DDR2: variants seen among roughly 807,000 people sequenced by gnomAD.
DDR2 encodes the protein discoidin domain receptor tyrosine kinase 2.
In DDR2, 27 loss-of-function variants were observed where a neutral mutation model predicts 94.9. The ratio of observed to expected loss-of-function variants is 0.28; its 90% CI spans 0.21 to 0.39. The LOEUF is 0.39. Ranked by LOEUF, DDR2 falls within the 10% of genes least tolerant of loss-of-function variation. DDR2 has a pLI of 1.00. For synonymous variants in DDR2, 382 were observed against 377.2 expected (o/e 1.01, Z -0.15); for missense variants, 783 against 1,076.0 (o/e 0.73, Z 3.81).
At chr1:162,731,925 A>T (rs1171600181) in intron 3 of DDR2, among the ~76,000 whole-genome samples, 1 of 152,178 alleles carries the variant, frequency 6.6e-6, no homozygotes, top group Admixed American at 6.5e-5. Context: ...TTCACTCCTG[A>T]TCTGCATAGC....
At chr1:162,705,510 G>T (rs1660620792) in intron 2 of DDR2, among the ~76,000 whole-genome samples, 1 of 152,224 alleles carries the variant, frequency 6.6e-6, no homozygotes, top group Non-Finnish European at 1.5e-5. Flanking sequence ...AGGGGGAGCA[G>T]CATTCCTTCT....
At position 162,780,394 on chromosome 1, in the gene DDR2, C is replaced by A; in HGVS notation, c.*148C>A. 2 of 1,180,646 alleles carry A rather than the reference C, an allele frequency of 1.7e-6. No individual in the cohort carries two copies. The highest frequency in any genetic ancestry group is 2.0e-5 in the Admixed American group (1 of 49,678). The allele number at this position is 1,180,646 out of a possible 1,614,324, so 73.1% of individuals were successfully genotyped here. A position where few individuals can be genotyped will look rare whatever the true frequency, so the allele number is the denominator to read the frequency against. ...TTTGCCCTCTTTTCCTGGTCACCCC[C>A]ACTCCCTACCCCTGACTCATATACA... On this transcript the variant is annotated 3_prime_UTR_variant, in exon 18 of 18. Coordinates refer to ENST00000367921, the MANE Select transcript of DDR2 (RefSeq NM_006182.4).
chr1:162,782,590 C>G lies in DDR2; in HGVS notation c.*2344C>G, dbSNP rs771117225. On this transcript the variant is annotated 3_prime_UTR_variant, in exon 18 of 18. Transcript: ENST00000367921. ...CCTGCAGCCTATTCTTCTTTATCCA[C>G]ATGTCTCTGGTAGGGCTACATCCAG... is the stretch of plus-strand genomic sequence containing the variant. 6.8e-6 allele frequency: 1 copy of G among 147,232 alleles called. No homozygotes were observed. 9.1% of individuals were successfully genotyped at this position (147,232 alleles called of 1,614,324 possible). A position where few individuals can be genotyped will look rare whatever the true frequency, so the allele number is the denominator to read the frequency against.
chr1:162,679,502 A>G (rs1471668507), intron 2 of DDR2, among the ~76,000 whole-genome samples: 1 of 152,198 alleles, frequency 6.6e-6, no homozygotes, highest in African/African-American at 2.4e-5. Context: ...TTATGGCTGC[A>G]TAGTATTCCA....
rs1021182181 is a variant in DDR2 at position 162,785,250 on chromosome 1, G to A, written c.*5004G>A. On this transcript the variant is annotated 3_prime_UTR_variant, in exon 18 of 18. Transcript: ENST00000367921. ...TTCTACGTGAGTAGGATTAGCACTG[G>A]GGACAAAATAAGGAGTTTAGAGTAA... is the stretch of plus-strand genomic sequence containing the variant. 7 of 152,044 alleles carry A rather than the reference G, an allele frequency of 4.6e-5. No homozygotes were observed. The highest frequency in any genetic ancestry group is 2.6e-4 in the Admixed American group (4 of 15,254). The allele number at this position is 152,044 out of a possible 1,614,324, so 9.4% of individuals were successfully genotyped here. A position where few individuals can be genotyped will look rare whatever the true frequency, so the allele number is the denominator to read the frequency against.
intron 3 of DDR2, among the ~76,000 whole-genome samples, chr1:162,743,623 G>A (rs548745256): frequency 9.2e-5 from 14 of 152,076 alleles, no homozygotes; most frequent in Admixed American, 4.6e-4. Flanking sequence ...TAAAGGCCTG[G>A]CCACAGGCTT....
chr1:162,699,441 C>T (rs1377943212), intron 2 of DDR2, among the ~76,000 whole-genome samples: 2 of 152,126 alleles, frequency 1.3e-5, no homozygotes, highest in African/African-American at 4.8e-5. Flanking sequence ...TACTGTGAAC[C>T]CAAATTTCTG....
chr1:162,634,947 C>T (rs1656741762), intron 1 of DDR2, among the ~76,000 whole-genome samples: 1 of 152,162 alleles, frequency 6.6e-6, no homozygotes, highest in African/African-American at 2.4e-5. Flanking sequence ...TGCCTGCAGT[C>T]AGAAGGGAGG....
At chr1:162,726,080 G>A (rs1389253413) in intron 3 of DDR2, among the ~76,000 whole-genome samples, 1 of 152,174 alleles carries the variant, frequency 6.6e-6, no homozygotes, top group East Asian at 1.9e-4. Context: ...ACCTATCACT[G>A]ATCGCTGCCT....
intron 2 of DDR2, among the ~76,000 whole-genome samples, chr1:162,665,563 ATT>A (rs5778284): frequency 0.059 from 8,397 of 141,168 alleles, 337 homozygotes; most frequent in African/African-American, 0.13. Flanking sequence ...TGCATGTATG[ATT>A]TTTTTTTTTT....
chr1:162,759,682 A>C (rs1024845040), intron 7 of DDR2, 114 bp from the exon 8 acceptor site: 9 of 1,207,416 alleles, frequency 7.5e-6, no homozygotes, highest in Non-Finnish European at 8.4e-6. Context: ...CAATTCCAAG[A>C]TAATAAGCTC....
rs535973044 is a variant in DDR2 at position 162,652,407 on chromosome 1, C to T, written c.-191-2804C>T. Among the ~76,000 whole-genome samples the T allele has an allele frequency of 3.9e-5, 6 of 152,270 alleles. No individual in the cohort carries two copies. The South Asian group carries it at 8.3e-4, about 21-fold the overall frequency. ...AATGTAGGAAAGCAGACTCGTGCTT[C>T]TCATCTTGAATCAGACAGACGACAG... On this transcript the variant is annotated intron_variant, in intron 1 of 17. Coordinates refer to ENST00000367921, the MANE Select transcript of DDR2 (RefSeq NM_006182.4).
rs1656612173 is a variant in DDR2 at position 162,632,643 on chromosome 1, G to A, written c.-192+12G>A. On this transcript the variant is annotated intron_variant, in intron 1 of 17. Coordinates refer to ENST00000367921, the MANE Select transcript of DDR2 (RefSeq NM_006182.4). Reference sequence around the variant, plus strand: ...ACCCCTGGATGAAAGTAAGTTATGTGGGTCTTTTTTCTTTATTATTTTTTC... The same window carrying A: ...ACCCCTGGATGAAAGTAAGTTATGTAGGTCTTTTTTCTTTATTATTTTTTC... The A allele has an allele frequency of 6.6e-6, 1 of 152,142 alleles. No homozygotes were observed. The highest frequency in any genetic ancestry group is 2.1e-4 in the South Asian group (1 of 4,826). The allele number at this position is 152,142 out of a possible 1,614,324, so 9.4% of individuals were successfully genotyped here.
At chr1:162,736,685 CT>C (rs1378068635) in intron 3 of DDR2, among the ~76,000 whole-genome samples, 17 of 152,306 alleles carry the variant, frequency 1.1e-4, no homozygotes, top group Non-Finnish European at 1.3e-4. Flanking sequence ...GAAAGAAAAA[CT>C]ACTGCCAGTT....
chr1:162,778,849 T>C, intron 17 of DDR2, 120 bp downstream of exon 17: 1 of 1,315,786 alleles, frequency 7.6e-7, no homozygotes, highest in Non-Finnish European at 1.1e-6. Context: ...GTGTTAGTCT[T>C]TGTCACTAAC....
intron 9 of DDR2, among the ~76,000 whole-genome samples, chr1:162,763,952 T>C (rs1663874040): frequency 6.6e-6 from 1 of 152,236 alleles, no homozygotes. Flanking sequence ...CCAATATTAT[T>C]ACTAGCAACG....
intron 2 of DDR2, among the ~76,000 whole-genome samples, chr1:162,711,455 G>T (rs1048656751): frequency 6.6e-6 from 1 of 152,166 alleles, no homozygotes; most frequent in Non-Finnish European, 1.5e-5. Context: ...GTAACTTTAG[G>T]CATTTCTTAA....
intron 2 of DDR2, among the ~76,000 whole-genome samples, chr1:162,704,735 C>A (rs1660585705): frequency 6.6e-6 from 1 of 152,174 alleles, no homozygotes; most frequent in East Asian, 1.9e-4. Flanking sequence ...GGCCCTACTT[C>A]CTAATACTAT....
intron 2 of DDR2, among the ~76,000 whole-genome samples, chr1:162,681,516 C>A (rs1659399050): frequency 6.6e-6 from 1 of 152,096 alleles, no homozygotes; most frequent in South Asian, 2.1e-4. Flanking sequence ...CACAAACTAC[C>A]ATATGCAGGG....
Sources: allele counts gnomAD v4.1 joint callset (sites outside exome capture counted in the v4.1 genomes callset), GRCh38; gene constraint gnomAD v4.1.1; transcripts MANE v1.5; gene names NCBI Gene and HGNC (gene_info 2026-07-23, HGNC 2026-07-21).